The following DCAF4 variants were observed in gnomAD, a reference collection of about 807,000 sequenced individuals.
DCAF4 encodes the protein DDB1 and CUL4 associated factor 4, also known as DDB1- and CUL4-associated factor 4.
DCAF4 carries 37 observed loss-of-function variants against 60.9 expected under a neutral mutation model. That is an observed-to-expected ratio of 0.61 (90% CI 0.47 to 0.80). DCAF4 has a LOEUF of 0.80. Among genes scored for constraint, DCAF4 ranks in the 30% least tolerant of loss-of-function variants. The pLI, the probability that DCAF4 is intolerant of heterozygous loss-of-function variation, is 0.00. For synonymous variants in DCAF4, 243 were observed against 254.8 expected, an observed-to-expected ratio of 0.95 and a Z score of 0.44; for missense variants, 577 against 650.0, an observed-to-expected ratio of 0.89 and a Z score of 1.22.
chr14:72,937,891 G>A lies in DCAF4; in HGVS notation c.-8-80G>A, dbSNP rs116035473. ...CCAGCCTTTTGCTGGTGCTGAGCATGAAGCAGCTGCCAAGAAGCAAACAGA... is the reference window on the plus strand; with the variant it reads ...CCAGCCTTTTGCTGGTGCTGAGCATAAAGCAGCTGCCAAGAAGCAAACAGA... On this transcript the variant is annotated intron_variant, in intron 1 of 13. Transcript: ENST00000358377. The A allele has an allele frequency of 2.2e-3, 3,261 of 1,468,110 alleles. 67 individuals carry two copies. The African/African-American group carries it at 0.042, about 19-fold the overall frequency. 90.9% of individuals were successfully genotyped at this position (1,468,110 alleles called of 1,614,324 possible). A position where few individuals can be genotyped will look rare whatever the true frequency, so the allele number is the denominator to read the frequency against.
intron 13 of DCAF4, chr14:72,957,586 A>G (rs944819131): frequency 6.6e-6 from 1 of 152,134 alleles, no homozygotes; most frequent in African/African-American, 2.4e-5. Context: ...TTTTAAGTCG[A>G]TTTTTCACCT....
chr14:72,956,883 A>C, intron 13 of DCAF4: 1 of 247,598 alleles, frequency 4.0e-6, no homozygotes, highest in South Asian at 4.5e-5. Context: ...TTTCCACCAG[A>C]GGATGCTGAG....
At chr14:72,954,562 G>A in intron 11 of DCAF4, 79 bp downstream of exon 11, 2 of 1,316,398 alleles carry the variant, frequency 1.5e-6, no homozygotes, top group Non-Finnish European at 2.2e-6. Flanking sequence ...GGACTCCTCT[G>A]TGTGCCATCT....
chr14:72,955,315 A>C (rs979386449), intron 11 of DCAF4, among the ~76,000 whole-genome samples: 3 of 152,072 alleles, frequency 2.0e-5, no homozygotes, highest in Non-Finnish European at 2.9e-5. Context: ...ACCCATGAGG[A>C]GGACACATGG....
Position 72,959,065 on chromosome 14 carries a change from T to C in DCAF4, c.*260T>C, listed in dbSNP as rs1369349374. The stretch of plus-strand genomic sequence containing the variant: ...CTTTTCTTATTGAATTCTTAGAACT[T>C]AGTTAACCCTCCCTGCCTTTTCTTA... On this transcript the variant is annotated 3_prime_UTR_variant, in exon 14 of 14. Coordinates refer to ENST00000358377, the MANE Select transcript of DCAF4 (RefSeq NM_015604.4). 5 of 1,170,462 alleles carry C rather than the reference T, an allele frequency of 4.3e-6. No individual in the cohort carries two copies. Among genetic ancestry groups the C allele is most frequent in the Non-Finnish European group, 4.2e-6 (4 of 948,254 alleles). 72.5% of individuals were successfully genotyped at this position (1,170,462 alleles called of 1,614,324 possible). A position where few individuals can be genotyped will look rare whatever the true frequency, so the allele number is the denominator to read the frequency against.
At chr14:72,928,995 C>G (rs1013758632) in intron 1 of DCAF4, among the ~76,000 whole-genome samples, 1 of 152,096 alleles carries the variant, frequency 6.6e-6, no homozygotes, top group Non-Finnish European at 1.5e-5. Context: ...CGAGGCCAGC[C>G]CCGATGTGTG....
chr14:72,943,277 T>C (rs1890291832), intron 6 of DCAF4, among the ~76,000 whole-genome samples, 181 bp downstream of exon 6: 1 of 152,232 alleles, frequency 6.6e-6, no homozygotes, highest in African/African-American at 2.4e-5. Context: ...GACGCTGAGC[T>C]GGCAGGCAGG....
chr14:72,927,810 T>C (rs1887827030), intron 1 of DCAF4, among the ~76,000 whole-genome samples: 1 of 152,180 alleles, frequency 6.6e-6, no homozygotes, highest in Non-Finnish European at 1.5e-5. Flanking sequence ...GGGTGGGCGT[T>C]AGTACAAAGC....
At position 72,939,904 on chromosome 14, in the gene DCAF4, T is replaced by C. The variant is rs1889793621; in HGVS notation, c.193+2T>C. The C allele has an allele frequency of 6.2e-7, 1 of 1,601,068 alleles. No homozygotes were observed. Among genetic ancestry groups the C allele is most frequent in the Admixed American group, 1.7e-5 (1 of 58,168 alleles). The stretch of plus-strand genomic sequence containing the variant: ...CAGCTGGGACCTCCTCTGTGCCAGG[T>C]AAGGCCACTTGCGGGGTGGGAATCC... On this transcript the variant is annotated splice_donor_variant, in intron 3 of 13. Coordinates refer to ENST00000358377, the MANE Select transcript of DCAF4 (RefSeq NM_015604.4). LOFTEE classifies it high-confidence loss of function.
chr14:72,937,702 A>G (rs1457431767), intron 1 of DCAF4, among the ~76,000 whole-genome samples: 2 of 152,064 alleles, frequency 1.3e-5, no homozygotes, highest in African/African-American at 2.4e-5. Flanking sequence ...TACAGGCATG[A>G]GCCACCGCGC....
intron 8 of DCAF4, among the ~76,000 whole-genome samples, chr14:72,950,505 C>G (rs1891271276): frequency 6.6e-6 from 1 of 152,090 alleles, no homozygotes; most frequent in Non-Finnish European, 1.5e-5. Flanking sequence ...AGGGTCAGGC[C>G]TGGATTTCAG....
At position 72,942,022 on chromosome 14, in the gene DCAF4, G is replaced by A. The variant is rs1890112367; in HGVS notation, c.431+198G>A. The A allele has an allele frequency of 1.1e-5, 6 of 534,848 alleles. No individual in the cohort carries two copies. In the South Asian group the frequency reaches 1.7e-4, roughly 15 times the overall value. The allele number at this position is 534,848 out of a possible 1,614,324, so 33.1% of individuals were successfully genotyped here. Reference sequence around the variant, plus strand: ...GAAAGCTGTTCTCTCTAGAGCGAAGGCGGGGGACTCTTGCAGGAGGATAGG... The same window carrying A: ...GAAAGCTGTTCTCTCTAGAGCGAAGACGGGGGACTCTTGCAGGAGGATAGG... On this transcript the variant is annotated intron_variant, in intron 5 of 13. Transcript: ENST00000358377.
At position 72,959,162 on chromosome 14, in the gene DCAF4, G is replaced by A. The variant is rs2140325803; in HGVS notation, c.*357G>A. 1.0e-6 allele frequency: 1 copy of A among 1,003,664 alleles called. No homozygotes were observed. Among genetic ancestry groups the A allele is most frequent in the South Asian group, 4.5e-5 (1 of 22,136 alleles). 62.2% of individuals were successfully genotyped at this position (1,003,664 alleles called of 1,614,324 possible). On this transcript the variant is annotated 3_prime_UTR_variant, in exon 14 of 14. Coordinates refer to ENST00000358377, the MANE Select transcript of DCAF4 (RefSeq NM_015604.4). Reference sequence around the variant, plus strand: ...CTTCTTCCTCCAAGAGCCCATTGAAGAAGCCCAGTGATGAGACGGTGAGAT... The same window carrying A: ...CTTCTTCCTCCAAGAGCCCATTGAAAAAGCCCAGTGATGAGACGGTGAGAT...
intron 8 of DCAF4, among the ~76,000 whole-genome samples, chr14:72,949,349 A>C (rs1891125436): frequency 6.6e-6 from 1 of 152,242 alleles, no homozygotes; most frequent in Non-Finnish European, 1.5e-5. Context: ...CCAGGTACTC[A>C]GGAAGCTGAG....
In DCAF4 at chr14:72,946,122, G is replaced by A; in HGVS notation, c.678+95G>A. 6.9e-6 allele frequency: 10 copies of A among 1,452,846 alleles called. No homozygotes were observed. The South Asian group carries it at 1.2e-4, about 18-fold the overall frequency. The allele number at this position is 1,452,846 out of a possible 1,614,324, so 90.0% of individuals were successfully genotyped here. A position where few individuals can be genotyped will look rare whatever the true frequency, so the allele number is the denominator to read the frequency against. ...AGGAGAGCAACTGGGGAAGAGGGCAGAGCATACTTACCTCATTTTTCCATA... is the reference window on the plus strand; with the variant it reads ...AGGAGAGCAACTGGGGAAGAGGGCAAAGCATACTTACCTCATTTTTCCATA... On this transcript the variant is annotated intron_variant, in intron 7 of 13. Coordinates refer to ENST00000358377, the MANE Select transcript of DCAF4 (RefSeq NM_015604.4).
chr14:72,961,266 A>T (rs193250448), downstream of DCAF4, among the ~76,000 whole-genome samples: 1 of 152,216 alleles, frequency 6.6e-6, no homozygotes, highest in East Asian at 1.9e-4. Flanking sequence ...AGAAGGGCTG[A>T]GCTGGGATTA....
At chr14:72,950,275 G>A (rs1328702326) in intron 8 of DCAF4, among the ~76,000 whole-genome samples, 1 of 152,204 alleles carries the variant, frequency 6.6e-6, no homozygotes, top group East Asian at 1.9e-4. Context: ...GGTATCAGGA[G>A]TGGAGGGAAG....
chr14:72,940,146 G>C, intron 3 of DCAF4, 74 bp from the exon 4 acceptor site: 1 of 1,579,780 alleles, frequency 6.3e-7, no homozygotes, highest in African/African-American at 1.4e-5. Context: ...TGGGGGGACA[G>C]GCCACTGGGC....
chr14:72,930,592 G>T (rs1353706533), intron 1 of DCAF4, among the ~76,000 whole-genome samples: 2 of 152,068 alleles, frequency 1.3e-5, no homozygotes, highest in Non-Finnish European at 2.9e-5. Flanking sequence ...TTCGATGCAC[G>T]GAAGTTTTCA....
Sources: allele counts gnomAD v4.1 joint callset (sites outside exome capture counted in the v4.1 genomes callset), GRCh38; gene constraint gnomAD v4.1.1; transcripts MANE v1.5; gene names NCBI Gene and HGNC (gene_info 2026-07-23, HGNC 2026-07-21).